XIST: variants seen among roughly 807,000 people sequenced by gnomAD.
The protein encoded by XIST is X inactive specific transcript (non-protein coding).
exon 1 of XIST, chrX:73,849,069 G>A (rs749740641): frequency 3.6e-6 from 2 of 557,709 alleles, no homozygotes; most frequent in Admixed American, 4.4e-5. Flanking sequence ...GGATAATTGG[G>A]ATTTTACTCA....
chrX:73,847,215 T>TG, exon 1 of XIST: 1 of 558,594 alleles, frequency 1.8e-6, no homozygotes, highest in Admixed American at 2.2e-5. Flanking sequence ...GAATTCAGGC[T>TG]AGTTAGAAGC....
exon 1 of XIST, chrX:73,848,707 T>G: frequency 1.8e-6 from 1 of 558,805 alleles, no homozygotes; most frequent in South Asian, 2.2e-5. Flanking sequence ...AGAATCCATT[T>G]TTATTGCACA....
intron 5 of XIST, chrX:73,828,316 C>T (rs1438110995): frequency 5.4e-6 from 1 of 184,964 alleles, no homozygotes; most frequent in Non-Finnish European, 9.9e-6. Flanking sequence ...ACTTATGAGT[C>T]TTCTTGGGTT....
At chrX:73,827,463 A>G (rs1444722654) in exon 6 of XIST, 1 of 539,806 alleles carries the variant, frequency 1.9e-6, no homozygotes, top group Non-Finnish European at 3.3e-6. Context: ...GAAATAGAAA[A>G]TCACAAACAG....
chrX:73,829,994 C>G (rs1922348460), intron 4 of XIST, among the ~76,000 whole-genome samples: 1 of 110,423 alleles, frequency 9.1e-6, no homozygotes, highest in Non-Finnish European at 1.9e-5. Context: ...TCAGGACTAA[C>G]AAAACACAGC....
At chrX:73,841,763 A>G (rs1219728982) in exon 1 of XIST, 10 of 499,276 alleles carry the variant, frequency 2.0e-5, no homozygotes, top group Non-Finnish European at 2.8e-5. Flanking sequence ...AATTATTACT[A>G]TAATTAAATG....
exon 1 of XIST, chrX:73,849,182 T>C: frequency 1.8e-6 from 1 of 559,248 alleles, no homozygotes. Flanking sequence ...CAATTAGCAA[T>C]TACTACTTTG....
intron 1 of XIST, among the ~76,000 whole-genome samples, chrX:73,839,710 G>C (rs906395412): frequency 4.5e-5 from 5 of 110,451 alleles, no homozygotes; most frequent in Admixed American, 3.9e-4. Context: ...CACATTTCCA[G>C]AGCATCCCTT....
At position 73,822,881 on chromosome X, in the gene XIST, A is replaced by G. The variant is rs753956485; in HGVS notation, n.17020T>C. The G allele has an allele frequency of 1.8e-5, 10 of 558,357 alleles. No homozygotes were observed. The East Asian group carries it at 3.3e-4, about 18-fold the overall frequency. The allele number at this position is 558,357 out of a possible 1,213,427, so 46.0% of individuals were successfully genotyped here. On this transcript the variant is annotated non_coding_transcript_exon_variant, in exon 6 of 6. Transcript: ENST00000429829. ...GTATCGAACATATCACAGCTACTCA[A>G]TGAAGTTTCTTCTCAACTAAAGAAA...
exon 6 of XIST, chrX:73,827,785 G>A (rs781498602): frequency 1.9e-6 from 1 of 539,043 alleles, no homozygotes; most frequent in Non-Finnish European, 3.3e-6. Context: ...ATCTAGGAGA[G>A]CAAAGAGAAA....
chrX:73,842,633 TTA>T, exon 1 of XIST: 1 of 558,279 alleles, frequency 1.8e-6, no homozygotes, highest in South Asian at 2.2e-5. Flanking sequence ...ACTGTGTTTA[TTA>T]ATAACACAGA....
chrX:73,847,153 T>C (rs1377914115), exon 1 of XIST: 1 of 557,455 alleles, frequency 1.8e-6, no homozygotes, highest in Non-Finnish European at 3.2e-6. Flanking sequence ...CCTTACATGG[T>C]AAAAAAGTAC....
exon 1 of XIST, chrX:73,843,758 TAAGA>T (rs762307135): frequency 1.4e-5 from 8 of 555,957 alleles, no homozygotes; most frequent in African/African-American, 1.3e-4. Context: ...CTAAAAACAC[TAAGA>T]AAGTAGGTAG....
chrX:73,821,245 C>A, exon 6 of XIST: 1 of 556,960 alleles, frequency 1.8e-6, no homozygotes, highest in South Asian at 2.2e-5. Context: ...CTCCCTCCAC[C>A]AATCATACTT....
chrX:73,823,463 T>C, exon 6 of XIST: 1 of 517,397 alleles, frequency 1.9e-6, no homozygotes, highest in Non-Finnish European at 3.5e-6. Context: ...CAGCTGTCAG[T>C]GATCTAATGC....
chrX:73,828,724 C>T (rs1051899700), intron 5 of XIST: 4 of 128,688 alleles, frequency 3.1e-5, no homozygotes, highest in Non-Finnish European at 4.7e-5. Flanking sequence ...CTCTCACAAA[C>T]GGAGATGAGA....
chrX:73,848,573 TAC>T, exon 1 of XIST: 2 of 557,751 alleles, frequency 3.6e-6, no homozygotes, highest in Non-Finnish European at 6.5e-6. Context: ...GCAAATAGGA[TAC>T]AGAGTCCCTT....
chrX:73,829,790 CAAA>C (rs752287639), intron 4 of XIST, among the ~76,000 whole-genome samples: 10 of 24,246 alleles, frequency 4.1e-4, no homozygotes, highest in Non-Finnish European at 7.7e-4. Context: ...AACTCCATCT[CAAA>C]AAAAAAAAAA....
intron 3 of XIST, among the ~76,000 whole-genome samples, chrX:73,832,435 C>T (rs1044529409): frequency 2.7e-5 from 3 of 111,539 alleles, no homozygotes; most frequent in African/African-American, 6.5e-5. Context: ...TACAGGCCCC[C>T]GGGGCTCTCC....
Sources: allele counts gnomAD v4.1 joint callset (sites outside exome capture counted in the v4.1 genomes callset), GRCh38; gene constraint gnomAD v4.1.1; transcripts MANE v1.5; gene names NCBI Gene and HGNC (gene_info 2026-07-23, HGNC 2026-07-21).